The following PTPRG variants were observed in gnomAD, a reference collection of about 807,000 sequenced individuals.
The protein encoded by PTPRG is receptor-type tyrosine-protein phosphatase gamma.
In PTPRG, 102 loss-of-function variants were observed where a neutral mutation model predicts 165.3. That is an observed-to-expected ratio of 0.62 (90% CI 0.53 to 0.73). The LOEUF is 0.73. PTPRG is among the 30% of genes least tolerant of loss of function. PTPRG has a pLI of 0.00. For missense variants in PTPRG, 1,866 were observed against 1,861.4 expected, an observed-to-expected ratio of 1.00 and a Z score of -0.05; for synonymous variants, 675 against 669.5, an observed-to-expected ratio of 1.01 and a Z score of -0.13.
intron 5 of PTPRG, among the ~76,000 whole-genome samples, chr3:62,092,853 A>G (rs1166225965): frequency 2.6e-5 from 4 of 152,218 alleles, no homozygotes; most frequent in African/African-American, 9.6e-5. Context: ...ATAAGTTACC[A>G]TGTACAACAG....
chr3:62,047,164 T>A (rs1262081943), intron 4 of PTPRG, among the ~76,000 whole-genome samples: 1 of 152,344 alleles, frequency 6.6e-6, no homozygotes, highest in East Asian at 1.9e-4. Flanking sequence ...TACTTCAATA[T>A]TCTTGCCTTA....
At chr3:61,930,938 G>A (rs191274729) in intron 2 of PTPRG, among the ~76,000 whole-genome samples, 2 of 152,106 alleles carry the variant, frequency 1.3e-5, no homozygotes, top group African/African-American at 2.4e-5. Context: ...GCATGGTGGC[G>A]CACCTGTAGT....
intron 5 of PTPRG, among the ~76,000 whole-genome samples, chr3:62,090,963 A>G (rs756216149): frequency 2.0e-5 from 3 of 152,210 alleles, no homozygotes; most frequent in Admixed American, 1.3e-4. Context: ...GGAAATACCA[A>G]TTTGCTGCGA....
chr3:62,172,989 A>G (rs1705275329), intron 8 of PTPRG, among the ~76,000 whole-genome samples: 1 of 152,210 alleles, frequency 6.6e-6, no homozygotes, highest in African/African-American at 2.4e-5. Flanking sequence ...TTTGTTGGCC[A>G]TATGGTCTCT....
At chr3:61,952,491 C>T (rs533427761) in intron 2 of PTPRG, among the ~76,000 whole-genome samples, 33 of 152,284 alleles carry the variant, frequency 2.2e-4, no homozygotes, top group African/African-American at 6.3e-4. Context: ...TCTCCCCAGG[C>T]AACTTCATAA....
chr3:61,632,005 G>T (rs774298254), intron 1 of PTPRG, among the ~76,000 whole-genome samples: 1 of 152,052 alleles, frequency 6.6e-6, no homozygotes, highest in South Asian at 2.1e-4. Context: ...GTAAGATTTC[G>T]GTCAAAAATC....
intron 2 of PTPRG, among the ~76,000 whole-genome samples, chr3:61,789,849 A>G (rs2034818083): frequency 6.6e-6 from 1 of 152,216 alleles, no homozygotes; most frequent in Non-Finnish European, 1.5e-5. Flanking sequence ...AGGTGAGATA[A>G]AAAATAATGC....
At chr3:62,080,725 A>G (rs1456285682) in intron 5 of PTPRG, among the ~76,000 whole-genome samples, 2 of 152,196 alleles carry the variant, frequency 1.3e-5, no homozygotes, top group East Asian at 3.9e-4. Context: ...TTTCAGCTCT[A>G]TAAACTCTTG....
chr3:62,078,586 G>A (rs567747608), intron 5 of PTPRG, among the ~76,000 whole-genome samples: 2 of 152,178 alleles, frequency 1.3e-5, no homozygotes, highest in South Asian at 4.2e-4. Context: ...AAAAAAAAAG[G>A]TGTTTTTTTG....
At chr3:61,790,528 G>T (rs1018519814) in intron 2 of PTPRG, among the ~76,000 whole-genome samples, 1 of 152,224 alleles carries the variant, frequency 6.6e-6, no homozygotes, top group Non-Finnish European at 1.5e-5. Flanking sequence ...ACCATGGAAA[G>T]CAGAGTTGCT....
At chr3:61,744,708 A>G (rs1291474917) in intron 1 of PTPRG, among the ~76,000 whole-genome samples, 3 of 152,226 alleles carry the variant, frequency 2.0e-5, no homozygotes, top group African/African-American at 7.2e-5. Context: ...AAAACTAAAT[A>G]TAGTCACCTT....
intron 1 of PTPRG, among the ~76,000 whole-genome samples, chr3:61,670,825 C>T (rs1309393203): frequency 6.6e-6 from 1 of 152,014 alleles, no homozygotes; most frequent in African/African-American, 2.4e-5. Flanking sequence ...TAAGTAGAAT[C>T]GCAGAAAAGA....
chr3:61,890,728 A>G (rs2038191031), intron 2 of PTPRG, among the ~76,000 whole-genome samples: 1 of 151,820 alleles, frequency 6.6e-6, no homozygotes, highest in African/African-American at 2.4e-5. Context: ...CTTGAGCCCT[A>G]CTCCAGCCTT....
intron 14 of PTPRG, among the ~76,000 whole-genome samples, chr3:62,242,479 G>C (rs916539662): frequency 1.3e-5 from 2 of 152,216 alleles, no homozygotes; most frequent in African/African-American, 4.8e-5. Context: ...AAACTGCTTA[G>C]AGCTACTTTC....
intron 12 of PTPRG, among the ~76,000 whole-genome samples, chr3:62,207,325 A>C (rs1700255095): frequency 6.6e-6 from 1 of 152,240 alleles, no homozygotes; most frequent in Non-Finnish European, 1.5e-5. Context: ...CCTGGTTTAC[A>C]CAGAAATCTG....
At chr3:62,082,053 G>C (rs193140503) in intron 5 of PTPRG, among the ~76,000 whole-genome samples, 1 of 152,270 alleles carries the variant, frequency 6.6e-6, no homozygotes, top group East Asian at 1.9e-4. Flanking sequence ...GCTATACTCT[G>C]ACTTGGTGCT....
chr3:62,111,068 G>A (rs1339551045), intron 5 of PTPRG, among the ~76,000 whole-genome samples: 1 of 152,202 alleles, frequency 6.6e-6, no homozygotes. Flanking sequence ...CTTGGAGCCA[G>A]ATGTAGGGAG....
intron 4 of PTPRG, among the ~76,000 whole-genome samples, chr3:62,014,018 C>T (rs919524807): frequency 1.3e-5 from 2 of 152,136 alleles, no homozygotes; most frequent in African/African-American, 4.8e-5. Flanking sequence ...TCAGCAACAC[C>T]ACCAACTGCC....
chr3:62,183,994 C>T (rs1576107436), intron 8 of PTPRG, among the ~76,000 whole-genome samples: 1 of 152,176 alleles, frequency 6.6e-6, no homozygotes, highest in African/African-American at 2.4e-5. Context: ...CATGGAGTGC[C>T]CTGTCAACTC....
Sources: gnomAD v4.1 joint callset for allele counts (sites outside exome capture counted in the v4.1 genomes callset) on GRCh38, gnomAD v4.1.1 for gene constraint, MANE v1.5 for transcripts, NCBI Gene and HGNC (gene_info 2026-07-23, HGNC 2026-07-21) for gene names.